Variants in C10orf90 observed in about 807,000 individuals in gnomAD.
C10orf90 encodes the protein (E2-independent) E3 ubiquitin-conjugating enzyme FATS.
Under a neutral mutation model 62.5 loss-of-function variants are expected in C10orf90, and 56 were observed. The observed-to-expected ratio is 0.90, with a 90% CI of 0.72 to 1.12. The LOEUF is 1.12. Ranked by LOEUF, C10orf90 falls within the 50% of genes most tolerant of loss-of-function variation. C10orf90 has a pLI of 0.00. For missense variants in C10orf90, 970 were observed against 880.4 expected (o/e 1.10, Z -1.29); for synonymous variants, 386 against 340.4 (o/e 1.13, Z -1.47).
intron 2 of C10orf90, among the ~76,000 whole-genome samples, chr10:126,561,663 G>A (rs1374287320): frequency 6.6e-6 from 1 of 152,122 alleles, no homozygotes; most frequent in Non-Finnish European, 1.5e-5. Flanking sequence ...TCCTGGAACT[G>A]CAGCTGCAAA....
At chr10:126,461,362 T>C (rs1479062196) in intron 6 of C10orf90, 39 bp downstream of exon 6, 3 of 1,605,894 alleles carry the variant, frequency 1.9e-6, no homozygotes, top group Non-Finnish European at 2.5e-6. Flanking sequence ...AATCTCTCCC[T>C]TTGGCAGGAA....
intron 2 of C10orf90, among the ~76,000 whole-genome samples, chr10:126,564,657 A>T (rs1478805997): frequency 2.0e-5 from 3 of 146,896 alleles, no homozygotes; most frequent in East Asian, 4.1e-4. Flanking sequence ...CTCCACAGCC[A>T]CCCAGACACA....
At chr10:126,515,102 C>G (rs763216123) in intron 2 of C10orf90, among the ~76,000 whole-genome samples, 1 of 152,228 alleles carries the variant, frequency 6.6e-6, no homozygotes. Flanking sequence ...TATACAGTCA[C>G]GCTCTGCATG....
chr10:126,542,827 A>G (rs2033695), intron 2 of C10orf90, among the ~76,000 whole-genome samples: 98,956 of 152,064 alleles, frequency 0.65, 33,182 homozygotes, highest in African/African-American at 0.82. Flanking sequence ...AGTATCTATT[A>G]AAATGTACAA....
In C10orf90 at chr10:126,667,523, G is replaced by A. The variant is rs74912763; in HGVS notation, c.240+2718C>T. ...GCATTAGAAACTGTCGCCTGTCAGA[G>A]GACAGATGGGTGAGCCTTAGCTGAT... On this transcript the variant is annotated intron_variant, in intron 1 of 9. Transcript: ENST00000488181. Among the ~76,000 whole-genome samples, 1,169 of 152,312 alleles carry A rather than the reference G, an allele frequency of 7.7e-3. 7 individuals are homozygous for A. Among genetic ancestry groups the A allele is most frequent in the Non-Finnish European group, 0.014 (923 of 68,026 alleles).
At chr10:126,466,001 CAG>C (rs538948311) in intron 4 of C10orf90, among the ~76,000 whole-genome samples, 220 of 151,652 alleles carry the variant, frequency 1.5e-3, no homozygotes, top group African/African-American at 5.1e-3. Flanking sequence ...GAGTGGAAGA[CAG>C]GCTTTCTTTT....
chr10:126,559,237 A>G (rs2133985784), intron 2 of C10orf90, among the ~76,000 whole-genome samples: 1 of 152,322 alleles, frequency 6.6e-6, no homozygotes, highest in East Asian at 1.9e-4. Context: ...TTAAATTTTT[A>G]AAGTAAGCAA....
chr10:126,436,356 C>G (rs1446096254), intron 7 of C10orf90, among the ~76,000 whole-genome samples: 1 of 152,042 alleles, frequency 6.6e-6, no homozygotes, highest in Non-Finnish European at 1.5e-5. Context: ...GCAGCTATAC[C>G]CAGTCTCTAG....
In C10orf90 at chr10:126,545,228, T is replaced by C. The variant is rs372339351; in HGVS notation, c.314-31289A>G. Among the ~76,000 whole-genome samples, 104 of 152,236 alleles carry C rather than the reference T, an allele frequency of 6.8e-4. No homozygotes were observed. The South Asian group carries it at 9.7e-3, about 14-fold the overall frequency. Reference sequence around the variant, plus strand: ...CCAGGTCTCTGACCCCTGGGACCCATGCAAAAGGAGGTGAAATTGAGTGTA... The same window carrying C: ...CCAGGTCTCTGACCCCTGGGACCCACGCAAAAGGAGGTGAAATTGAGTGTA... On this transcript the variant is annotated intron_variant, in intron 2 of 9. Coordinates refer to ENST00000488181, the MANE Select transcript of C10orf90 (RefSeq NM_001350921.2).
Position 126,456,591 on chromosome 10 carries a change from A to G in C10orf90, c.2188+2449T>C, listed in dbSNP as rs1235091428. Among the ~76,000 whole-genome samples, 1 of 152,232 alleles carries G rather than the reference A, an allele frequency of 6.6e-6. No individual in the cohort carries two copies. Among genetic ancestry groups the G allele is most frequent in the Non-Finnish European group, 1.5e-5 (1 of 68,044 alleles). ...AATGATGTCGCCCCAACAAAAAGATATGTTTAAGTCCTAATCCCCCATAAC... is the reference window on the plus strand; with the variant it reads ...AATGATGTCGCCCCAACAAAAAGATGTGTTTAAGTCCTAATCCCCCATAAC... On this transcript the variant is annotated intron_variant, in intron 7 of 9. Transcript: ENST00000488181. The surrounding 1 kb of genome is among the most constrained non-coding windows in gnomAD (Gnocchi z 4.9).
intron 2 of C10orf90, among the ~76,000 whole-genome samples, chr10:126,589,359 C>T (rs1343626936): frequency 1.3e-5 from 2 of 151,936 alleles, no homozygotes; most frequent in Non-Finnish European, 2.9e-5. Context: ...TCCAGACAAC[C>T]CCACTAAGAT....
At position 126,638,803 on chromosome 10, in the gene C10orf90, G is replaced by A. The variant is rs995607865; in HGVS notation, c.313+7762C>T. Among the ~76,000 whole-genome samples, 6 of 152,106 alleles carry A rather than the reference G, an allele frequency of 3.9e-5. No homozygotes were observed. In the South Asian group the frequency reaches 1.0e-3, roughly 26 times the overall value. ...TCCCACAGACCCAATGTGTTCACAC[G>A]GTTCCTCAGTGCAGTCCTCACGGAG... On this transcript the variant is annotated intron_variant, in intron 2 of 9. Transcript: ENST00000488181.
At chr10:126,646,495 A>G (rs1206770649) in intron 2 of C10orf90, 70 bp downstream of exon 2, 8 of 320,354 alleles carry the variant, frequency 2.5e-5, no homozygotes, top group Non-Finnish European at 4.3e-5. Flanking sequence ...ATAAAAATAA[A>G]AGAGAGAGAG....
chr10:126,651,537 A>G (rs187037310), intron 1 of C10orf90, among the ~76,000 whole-genome samples: 14 of 152,308 alleles, frequency 9.2e-5, no homozygotes, highest in Admixed American at 3.9e-4. Flanking sequence ...ATTGTCAATC[A>G]GTACTGTGGA....
At chr10:126,469,908 G>A in intron 4 of C10orf90, 2 of 456,786 alleles carry the variant, frequency 4.4e-6, no homozygotes, top group South Asian at 3.1e-5. Flanking sequence ...TGGCAAGCGA[G>A]AGGCTGCTGC....
At chr10:126,507,028 C>A (rs1862778601) in intron 3 of C10orf90, among the ~76,000 whole-genome samples, 1 of 151,970 alleles carries the variant, frequency 6.6e-6, no homozygotes, top group African/African-American at 2.4e-5. Flanking sequence ...TTTTGCATGA[C>A]AATCTCCATC....
intron 2 of C10orf90, among the ~76,000 whole-genome samples, chr10:126,605,500 C>T (rs1845289127): frequency 6.6e-6 from 1 of 152,214 alleles, no homozygotes; most frequent in East Asian, 1.9e-4. Context: ...CCCTGCGCCC[C>T]TGCATGGGAA....
intron 2 of C10orf90, among the ~76,000 whole-genome samples, chr10:126,517,458 T>C (rs924795601): frequency 4.6e-5 from 7 of 152,124 alleles, no homozygotes; most frequent in Admixed American, 4.6e-4. Flanking sequence ...TGCCCCTATC[T>C]GTGAAATTAG....
intron 4 of C10orf90, chr10:126,502,971 A>G (rs148312087): frequency 2.5e-5 from 6 of 237,608 alleles, no homozygotes; most frequent in East Asian, 1.3e-4. Context: ...TTCTATACAC[A>G]TTATAACTTT....
Sources: gnomAD v4.1 joint callset for allele counts (sites outside exome capture counted in the v4.1 genomes callset) on GRCh38, gnomAD v4.1.1 for gene constraint, Gnocchi (gnomAD v3.1) non-coding constraint, MANE v1.5 for transcripts, NCBI Gene and HGNC (gene_info 2026-07-23, HGNC 2026-07-21) for gene names.